Variants in XPR1 observed in about 807,000 individuals in gnomAD.
XPR1 encodes the protein xenotropic and polytropic retrovirus receptor 1.
In XPR1, 28 loss-of-function variants were observed where a neutral mutation model predicts 87.5. That is an observed-to-expected ratio of 0.32 (90% CI 0.24 to 0.44). XPR1 has a LOEUF of 0.44. Among genes scored for constraint, XPR1 ranks in the 20% least tolerant of loss-of-function variants. The pLI, the probability that XPR1 is intolerant of heterozygous loss-of-function variation, is 1.00. For missense variants in XPR1, 559 were observed against 862.3 expected, an observed-to-expected ratio of 0.65 and a Z score of 4.41; for synonymous variants, 300 against 306.1, an observed-to-expected ratio of 0.98 and a Z score of 0.21.
chr1:180,651,663 A>G (rs1246072360), intron 1 of XPR1, among the ~76,000 whole-genome samples: 1 of 152,182 alleles, frequency 6.6e-6, no homozygotes, highest in Non-Finnish European at 1.5e-5. Flanking sequence ...GTGTGTTTGT[A>G]GTGTATTAGC....
At chr1:180,649,225 A>G (rs903654822) in intron 1 of XPR1, among the ~76,000 whole-genome samples, 13 of 151,952 alleles carry the variant, frequency 8.6e-5, no homozygotes, top group Non-Finnish European at 1.6e-4. Context: ...GGTGATCGAG[A>G]CCATCCTGCC....
intron 1 of XPR1, among the ~76,000 whole-genome samples, chr1:180,645,054 T>C (rs1051764353): frequency 1.3e-5 from 2 of 152,212 alleles, no homozygotes; most frequent in Non-Finnish European, 2.9e-5. Context: ...TTCAGTGCTT[T>C]TGTGATAATC....
chr1:180,830,412 C>T (rs1026626093), intron 9 of XPR1, among the ~76,000 whole-genome samples: 3 of 152,130 alleles, frequency 2.0e-5, no homozygotes, highest in African/African-American at 7.2e-5. Context: ...CCTGGTCTAG[C>T]TTCCAAAGCT....
At chr1:180,698,238 A>G (rs1657232942) in intron 2 of XPR1, among the ~76,000 whole-genome samples, 1 of 152,038 alleles carries the variant, frequency 6.6e-6, no homozygotes, top group Non-Finnish European at 1.5e-5. Context: ...GTTTTATCTG[A>G]TAACAACTCC....
At chr1:180,866,737 G>T (rs1384908679) in intron 12 of XPR1, among the ~76,000 whole-genome samples, 3 of 151,410 alleles carry the variant, frequency 2.0e-5, no homozygotes, top group African/African-American at 4.9e-5. Flanking sequence ...ATAATCATCA[G>T]TCAGTGAATA....
At chr1:180,761,003 C>A (rs1217636108) in intron 2 of XPR1, among the ~76,000 whole-genome samples, 1 of 152,092 alleles carries the variant, frequency 6.6e-6, no homozygotes, top group Non-Finnish European at 1.5e-5. Flanking sequence ...CTGACAAAAA[C>A]AAGCAATGGG....
At chr1:180,794,356 C>A (rs1571844760) in intron 3 of XPR1, among the ~76,000 whole-genome samples, 1 of 152,116 alleles carries the variant, frequency 6.6e-6, no homozygotes, top group South Asian at 2.1e-4. Flanking sequence ...TGCTGTCAGT[C>A]GTTGACCAGA....
chr1:180,855,521 C>T (rs1173145489), intron 11 of XPR1, among the ~76,000 whole-genome samples: 9 of 151,678 alleles, frequency 5.9e-5, no homozygotes, highest in African/African-American at 9.7e-5. Context: ...AAAAATTAGC[C>T]GGGTGTGGTG....
intron 3 of XPR1, among the ~76,000 whole-genome samples, chr1:180,794,480 TG>T (rs1649500129): frequency 6.6e-6 from 1 of 152,206 alleles, no homozygotes; most frequent in South Asian, 2.1e-4. Context: ...TAAATACACC[TG>T]TTGTGTGTAT....
At chr1:180,855,839 G>A (rs57581991) in intron 11 of XPR1, among the ~76,000 whole-genome samples, 6,450 of 152,080 alleles carry the variant, frequency 0.042, 484 homozygotes, top group African/African-American at 0.15. Flanking sequence ...CTCCCTACAT[G>A]CTTATTTAAT....
At chr1:180,808,187 A>T (rs1336211339) in intron 6 of XPR1, among the ~76,000 whole-genome samples, 1 of 152,172 alleles carries the variant, frequency 6.6e-6, no homozygotes, top group Non-Finnish European at 1.5e-5. Flanking sequence ...ATAGACTAAC[A>T]TATTACGAAC....
At chr1:180,860,803 A>G (rs777028484) in intron 11 of XPR1, among the ~76,000 whole-genome samples, 1 of 140,518 alleles carries the variant, frequency 7.1e-6, no homozygotes, top group Non-Finnish European at 1.6e-5. Context: ...GGATGTGACT[A>G]AAAAAAAAAA....
intron 1 of XPR1, among the ~76,000 whole-genome samples, chr1:180,657,604 G>A (rs1483732038): frequency 6.6e-6 from 1 of 152,076 alleles, no homozygotes; most frequent in Non-Finnish European, 1.5e-5. Context: ...CAGTTTAGAT[G>A]TATGGATTTG....
chr1:180,656,348 TTAATATTTATATATA>T (rs1432810094), intron 1 of XPR1, among the ~76,000 whole-genome samples: 15 of 106,360 alleles, frequency 1.4e-4, no homozygotes, highest in African/African-American at 5.1e-4. Flanking sequence ...ATTTATATAT[TTAATATTTATATATA>T]TAATATTTAT....
rs1238825930 is a variant in XPR1 at position 180,885,267 on chromosome 1, CTCAT to C, written c.*1206_*1209del. 1.3e-5 allele frequency: 2 copies of C among 152,608 alleles called. No homozygotes were observed. Among genetic ancestry groups the C allele is most frequent in the Admixed American group, 1.3e-4 (2 of 15,272 alleles). 9.5% of individuals were successfully genotyped at this position (152,608 alleles called of 1,614,324 possible). ...GAGCACATGGAACAAATTATACTTC[CTCAT>C]TCATATTATGTTGATACAAAAGACC... On this transcript the variant is annotated 3_prime_UTR_variant, in exon 15 of 15. Coordinates refer to ENST00000367590, the MANE Select transcript of XPR1 (RefSeq NM_004736.4).
chr1:180,656,854 C>T (rs1480151934), intron 1 of XPR1, among the ~76,000 whole-genome samples: 2 of 150,838 alleles, frequency 1.3e-5, no homozygotes, highest in African/African-American at 2.4e-5. Flanking sequence ...AGGTATATAC[C>T]TAGCAGTGGG....
chr1:180,762,534 A>T (rs931616670), intron 2 of XPR1, among the ~76,000 whole-genome samples: 4 of 152,180 alleles, frequency 2.6e-5, no homozygotes, highest in Non-Finnish European at 4.4e-5. Flanking sequence ...AAGATCTTTC[A>T]TGGTGGACTA....
intron 9 of XPR1, among the ~76,000 whole-genome samples, chr1:180,828,161 C>T (rs1021169175): frequency 1.3e-5 from 2 of 152,158 alleles, no homozygotes; most frequent in African/African-American, 4.8e-5. Context: ...CAAGTGTGAG[C>T]CACCACACCC....
chr1:180,768,414 A>G (rs78462676), intron 2 of XPR1, among the ~76,000 whole-genome samples: 148 of 152,356 alleles, frequency 9.7e-4, no homozygotes, highest in Non-Finnish European at 1.7e-3. Flanking sequence ...ATTTATTTCT[A>G]TTATAATCTT....
Sources: gnomAD v4.1 joint callset for allele counts (sites outside exome capture counted in the v4.1 genomes callset) on GRCh38, gnomAD v4.1.1 for gene constraint, MANE v1.5 for transcripts, NCBI Gene and HGNC (gene_info 2026-07-23, HGNC 2026-07-21) for gene names.